The following LRCH1 variants were observed in gnomAD, a reference collection of about 807,000 sequenced individuals.
LRCH1 encodes the protein leucine-rich repeat and calponin homology domain-containing protein 1.
In LRCH1, 23 loss-of-function variants were observed where a neutral mutation model predicts 94.9. The ratio of observed to expected loss-of-function variants is 0.24; its 90% confidence interval spans 0.17 to 0.34. The LOEUF (loss-of-function observed/expected upper bound fraction) is 0.34, where lower values mean the gene tolerates loss of function less well. Ranked by LOEUF, LRCH1 falls within the 10% of genes least tolerant of loss-of-function variation. The pLI is 1.00. For missense variants in LRCH1, 790 were observed against 945.9 expected, an observed-to-expected ratio of 0.84 and a Z score of 2.16; for synonymous variants, 364 against 354.9, an observed-to-expected ratio of 1.03 and a Z score of -0.29.
rs137977767 is a variant in LRCH1, at chr13:46,671,587, C to A, written c.579+2431C>A. ...TCAGAAGGTGCCATTTTAACTGGTT[C>A]TAGGAAACAAAAAATTTCCTAGGTG... is the stretch of plus-strand genomic sequence containing the variant. On this transcript the variant is annotated intron_variant, in intron 3 of 19. Coordinates refer to ENST00000389797, the MANE Select transcript of LRCH1 (RefSeq NM_001164211.2). Among the ~76,000 whole-genome samples the A allele has an allele frequency of 2.5e-3, 379 of 152,260 alleles. 1 individual carries two copies. The highest frequency in any genetic ancestry group is 8.7e-3 in the African/African-American group (362 of 41,552).
chr13:46,725,032 G>T (rs1036191938), intron 17 of LRCH1, among the ~76,000 whole-genome samples: 1 of 152,182 alleles, frequency 6.6e-6, no homozygotes, highest in African/African-American at 2.4e-5. Context: ...CCATAAAAAA[G>T]AATGAAATCA....
At chr13:46,592,758 T>C (rs2050514769) in intron 1 of LRCH1, among the ~76,000 whole-genome samples, 1 of 152,220 alleles carries the variant, frequency 6.6e-6, no homozygotes, top group Admixed American at 6.5e-5. Flanking sequence ...AGCTGAAGAA[T>C]GTTTGGTGAT....
intron 17 of LRCH1, among the ~76,000 whole-genome samples, chr13:46,727,282 G>A (rs2138226269): frequency 6.6e-6 from 1 of 152,200 alleles, no homozygotes; most frequent in South Asian, 2.1e-4. Context: ...AGATGATAAA[G>A]GAAAGAACTG....
chr13:46,740,788 AG>A (rs1873611922), intron 19 of LRCH1, among the ~76,000 whole-genome samples: 2 of 152,212 alleles, frequency 1.3e-5, no homozygotes, highest in African/African-American at 4.8e-5. Flanking sequence ...GCTTTCTGAC[AG>A]CAATAGGCTG....
intron 1 of LRCH1, among the ~76,000 whole-genome samples, chr13:46,635,561 C>G (rs986005870): frequency 6.7e-6 from 1 of 150,318 alleles, no homozygotes; most frequent in Admixed American, 6.7e-5. Flanking sequence ...AGCTCTGCCT[C>G]CCAGGTTCTC....
At chr13:46,571,050 G>A (rs1364590685) in intron 1 of LRCH1, among the ~76,000 whole-genome samples, 4 of 152,230 alleles carry the variant, frequency 2.6e-5, no homozygotes, top group Non-Finnish European at 5.9e-5. Context: ...TGGATTTGCA[G>A]AGTGCTGAAA....
At chr13:46,572,631 C>T (rs78749956) in intron 1 of LRCH1, among the ~76,000 whole-genome samples, 2,370 of 152,146 alleles carry the variant, frequency 0.016, 28 homozygotes, top group East Asian at 0.057. Flanking sequence ...CTCCCTAACT[C>T]GTGGAGTCAT....
chr13:46,729,033 G>A, intron 18 of LRCH1, 49 bp downstream of exon 18: 1 of 1,555,352 alleles, frequency 6.4e-7, no homozygotes, highest in East Asian at 2.3e-5. Context: ...GACCTTTAGG[G>A]GGCACTGTTG....
At chr13:46,599,316 T>C (rs1401075841) in intron 1 of LRCH1, among the ~76,000 whole-genome samples, 1 of 152,246 alleles carries the variant, frequency 6.6e-6, no homozygotes, top group African/African-American at 2.4e-5. Context: ...GGTTTGCAAA[T>C]ATCTCTTTGA....
chr13:46,698,503 ACG>A, intron 9 of LRCH1, among the ~76,000 whole-genome samples: 1 of 152,186 alleles, frequency 6.6e-6, no homozygotes, highest in Admixed American at 6.5e-5. Flanking sequence ...GATGTTGTAC[ACG>A]TGAAAACTAT....
intron 1 of LRCH1, among the ~76,000 whole-genome samples, chr13:46,617,853 A>G (rs2050830055): frequency 6.6e-6 from 1 of 151,994 alleles, no homozygotes. Flanking sequence ...CCATTTCCTC[A>G]TTTTGCTTTT....
At chr13:46,566,759 C>T (rs1428558679) in intron 1 of LRCH1, among the ~76,000 whole-genome samples, 2 of 152,106 alleles carry the variant, frequency 1.3e-5, no homozygotes, top group African/African-American at 4.8e-5. Context: ...TACAGATGGT[C>T]CTCGGGGTGA....
intron 1 of LRCH1, among the ~76,000 whole-genome samples, chr13:46,644,268 C>A (rs189931877): frequency 1.3e-5 from 2 of 152,350 alleles, no homozygotes; most frequent in African/African-American, 2.4e-5. Flanking sequence ...ACTTTGCCAG[C>A]TGTCATTCAT....
chr13:46,702,107 G>T (rs1871507431), intron 11 of LRCH1, among the ~76,000 whole-genome samples: 1 of 152,214 alleles, frequency 6.6e-6, no homozygotes, highest in Non-Finnish European at 1.5e-5. Flanking sequence ...TTGGAGTATG[G>T]GAAGATCTGC....
intron 1 of LRCH1, among the ~76,000 whole-genome samples, chr13:46,635,458 C>T (rs1226843820): frequency 1.3e-5 from 2 of 148,838 alleles, no homozygotes; most frequent in Non-Finnish European, 3.0e-5. Context: ...AGATCCGGTC[C>T]CCTCCCACCT....
chr13:46,676,138 GTA>G (rs2051669789), intron 3 of LRCH1, among the ~76,000 whole-genome samples: 1 of 152,084 alleles, frequency 6.6e-6, no homozygotes, highest in Admixed American at 6.6e-5. Context: ...GCATGCACCT[GTA>G]ATCTCAGCTA....
chr13:46,750,648 T>C, exon 19 of LRCH1: 1 of 1,545,486 alleles, frequency 6.5e-7, no homozygotes, highest in Non-Finnish European at 8.8e-7. Context: ...TCTGTTCACA[T>C]GAAACTACCC....
At chr13:46,748,906 C>T (rs113762003), downstream of LRCH1, among the ~76,000 whole-genome samples, 501 of 152,218 alleles carry the variant, frequency 3.3e-3, 3 homozygotes, top group African/African-American at 0.011. Flanking sequence ...AAAGCAGATA[C>T]GGTAAGATGG....
rs2050090073 is a variant in LRCH1, at chr13:46,558,441, G to GGCC, written c.307+4738_307+4739insGCC. ...AGGATGGTGCCAAGACGTGGAGTAAGAACCTGACAGTTGGCCGGGTGTGGT... is the reference window on the plus strand; with the variant it reads ...AGGATGGTGCCAAGACGTGGAGTAAGGCCAACCTGACAGTTGGCCGGGTGTGGT... On this transcript the variant is annotated intron_variant, in intron 1 of 19. Transcript: ENST00000389797. 2.0e-5 allele frequency among the ~76,000 whole-genome samples: 3 copies of GGCC among 151,568 alleles called. No individual in the cohort carries two copies. In the South Asian group the frequency reaches 6.3e-4, roughly 32 times the overall value.
Sources: allele counts gnomAD v4.1 joint callset (sites outside exome capture counted in the v4.1 genomes callset), GRCh38; gene constraint gnomAD v4.1.1; transcripts MANE v1.5; gene names NCBI Gene and HGNC (gene_info 2026-07-23, HGNC 2026-07-21).